Variants in ANKRD44 observed in about 807,000 individuals in gnomAD.
The protein encoded by ANKRD44 is serine/threonine-protein phosphatase 6 regulatory ankyrin repeat subunit B.
ANKRD44 carries 35 observed loss-of-function variants against 116.0 expected under a neutral mutation model. That is an observed-to-expected ratio of 0.30 (90% CI 0.23 to 0.40). The LOEUF is 0.40. Among genes scored for constraint, ANKRD44 ranks in the 10% least tolerant of loss-of-function variants. ANKRD44 has a pLI of 1.00. For missense variants in ANKRD44, 1,014 were observed against 1,242.6 expected, an observed-to-expected ratio of 0.82 and a Z score of 2.77; for synonymous variants, 435 against 461.8, an observed-to-expected ratio of 0.94 and a Z score of 0.74.
chr2:197,200,589 C>A (rs1044730744), intron 1 of ANKRD44, among the ~76,000 whole-genome samples: 3 of 152,132 alleles, frequency 2.0e-5, no homozygotes, highest in African/African-American at 4.8e-5. Context: ...CCAGACAGCA[C>A]GAGCTTGAAA....
At chr2:197,045,765 C>T (rs1244236921) in intron 16 of ANKRD44, among the ~76,000 whole-genome samples, 1 of 152,062 alleles carries the variant, frequency 6.6e-6, no homozygotes, top group Non-Finnish European at 1.5e-5. Flanking sequence ...AACATGTACT[C>T]AAGAAGGCAT....
Position 197,081,713 on chromosome 2 carries a change from T to C in ANKRD44, c.1470A>G (p.Leu490=), listed in dbSNP as rs1288766276. 6.2e-7 allele frequency: 1 copy of C among 1,613,610 alleles called. No individual in the cohort carries two copies. The highest frequency in any genetic ancestry group is 8.5e-7 in the Non-Finnish European group (1 of 1,179,610). The change falls in exon 15 of 28, where the codon TTA becomes TTG. Residue 490 remains leucine (L), a synonymous_variant. Transcript: ENST00000282272. ...CTTCTGAATTATCATGGGCATTTCC[T>C]AAGATAGTCTTACTTCTCAGCATAA... ...ASDMDRNKTI[L]GNAHDNSEEL...
In ANKRD44 at chr2:197,186,632, T is replaced by TTTTTTTTC. The variant is rs1559133702; in HGVS notation, c.111+390_111+391insGAAAAAAA. Among the ~76,000 whole-genome samples the TTTTTTTTC allele has an allele frequency of 5.9e-5, 7 of 119,140 alleles. 1 individual carries two copies. Among genetic ancestry groups the TTTTTTTTC allele is most frequent in the Non-Finnish European group, 1.2e-4 (7 of 58,384 alleles). 78.2% of individuals were successfully genotyped at this position (119,140 alleles called of 152,430 possible). On this transcript the variant is annotated intron_variant, in intron 2 of 27. Transcript: ENST00000282272. Reference sequence around the variant, plus strand: ...TTTTTCTTTTTTTTTTTTTTTTTTTTTTTTTTTTTTTTTTTAGAGACAGAG... The same window carrying TTTTTTTTC: ...TTTTTCTTTTTTTTTTTTTTTTTTTTTTTTTTTCTTTTTTTTTTTTTTTAGAGACAGAG...
At chr2:197,070,880 G>A (rs2077544942) in intron 16 of ANKRD44, among the ~76,000 whole-genome samples, 1 of 151,964 alleles carries the variant, frequency 6.6e-6, no homozygotes, top group Non-Finnish European at 1.5e-5. Context: ...ATTTCTTTAG[G>A]GGAAGTTTTA....
chr2:197,106,783 C>T (rs943598247), intron 9 of ANKRD44, among the ~76,000 whole-genome samples: 8 of 136,408 alleles, frequency 5.9e-5, no homozygotes, highest in African/African-American at 8.4e-5. Context: ...GAGCAAGACT[C>T]CGTCTCAAAT....
intron 16 of ANKRD44, among the ~76,000 whole-genome samples, chr2:197,071,125 A>C (rs1443561166): frequency 3.3e-5 from 5 of 152,002 alleles, no homozygotes; most frequent in Admixed American, 3.3e-4. Context: ...TCTTAGCTAC[A>C]CGTTTGTCAA....
rs1245767721 is a variant in ANKRD44 at position 197,081,644 on chromosome 2, C to T, written c.1538+1G>A. 6.2e-7 allele frequency: 1 copy of T among 1,613,114 alleles called. No individual in the cohort carries two copies. The highest frequency in any genetic ancestry group is 8.5e-7 in the Non-Finnish European group (1 of 1,179,254). On this transcript the variant is annotated splice_donor_variant, in intron 15 of 27. Coordinates refer to ENST00000282272, the MANE Select transcript of ANKRD44 (RefSeq NM_001195144.2). LOFTEE classifies it high-confidence loss of function. ...TGTTCTTAAGCTGAGAAGAAACTTA[C>T]AGTGTGGCTTCCTTTTCCTTCAGCT... is the stretch of plus-strand genomic sequence containing the variant.
At chr2:197,019,016 C>G (rs1172943075) in intron 17 of ANKRD44, among the ~76,000 whole-genome samples, 1 of 152,152 alleles carries the variant, frequency 6.6e-6, no homozygotes, top group Non-Finnish European at 1.5e-5. Context: ...TGCCATCTTA[C>G]AATTTTCCCC....
intron 17 of ANKRD44, among the ~76,000 whole-genome samples, chr2:197,021,220 C>A (rs1011565142): frequency 1.3e-5 from 2 of 152,136 alleles, no homozygotes; most frequent in African/African-American, 4.8e-5. Flanking sequence ...GGGTTGGTTC[C>A]AAGTCTTTGC....
intron 1 of ANKRD44, among the ~76,000 whole-genome samples, chr2:197,287,739 G>A (rs1488470831): frequency 2.0e-5 from 3 of 152,044 alleles, no homozygotes; most frequent in Non-Finnish European, 4.4e-5. Context: ...GTAGACACGC[G>A]CTGGGTACGG....
intron 1 of ANKRD44, among the ~76,000 whole-genome samples, chr2:197,202,782 T>A (rs776680842): frequency 9.2e-5 from 14 of 152,064 alleles, no homozygotes; most frequent in Non-Finnish European, 1.2e-4. Flanking sequence ...CTCGTCATGT[T>A]GGACAGGCTG....
rs1559077562 is a variant in ANKRD44 at position 197,118,631 on chromosome 2, G to GAA, written c.906+2700_906+2701insTT. 3.5e-5 allele frequency among the ~76,000 whole-genome samples: 5 copies of GAA among 143,602 alleles called. No individual in the cohort carries two copies. The East Asian group carries it at 9.8e-4, about 28-fold the overall frequency. The allele number at this position is 143,602 out of a possible 152,430, so 94.2% of individuals were successfully genotyped here. A position where few individuals can be genotyped will look rare whatever the true frequency, so the allele number is the denominator to read the frequency against. Reference sequence around the variant, plus strand: ...AGAGAAAGAAAGAGAGAGAGAGAGAGAGAGAGAGAAAGAAAGAAAGAAAGA... The same window carrying GAA: ...AGAGAAAGAAAGAGAGAGAGAGAGAGAAAGAGAGAGAAAGAAAGAAAGAAAGA... On this transcript the variant is annotated intron_variant, in intron 8 of 27. Coordinates refer to ENST00000282272, the MANE Select transcript of ANKRD44 (RefSeq NM_001195144.2).
At chr2:197,013,849 T>C (rs1299194523) in intron 17 of ANKRD44, 137 bp from the exon 18 acceptor site, 2 of 810,994 alleles carry the variant, frequency 2.5e-6, no homozygotes, top group Non-Finnish European at 4.0e-6. Flanking sequence ...ACTTGGAATA[T>C]TTATTAAAAC....
intron 21 of ANKRD44, among the ~76,000 whole-genome samples, chr2:196,978,750 G>A (rs1472486258): frequency 3.3e-5 from 5 of 150,928 alleles, no homozygotes; most frequent in South Asian, 2.1e-4. Flanking sequence ...TTAAAAGAGC[G>A]AATTTTATGT....
At chr2:197,252,397 T>C (rs560052606) in intron 1 of ANKRD44, among the ~76,000 whole-genome samples, 22 of 148,294 alleles carry the variant, frequency 1.5e-4, no homozygotes, top group African/African-American at 4.0e-4. Context: ...TGAATATATA[T>C]ATATGTAATT....
chr2:196,998,247 T>A, intron 25 of ANKRD44, 90 bp downstream of exon 25: 1 of 975,270 alleles, frequency 1.0e-6, no homozygotes, highest in Non-Finnish European at 1.6e-6. Flanking sequence ...TTAAGAGCCA[T>A]GCTACACAGT....
At chr2:197,056,770 C>T (rs2077211426) in intron 16 of ANKRD44, among the ~76,000 whole-genome samples, 1 of 151,926 alleles carries the variant, frequency 6.6e-6, no homozygotes, top group African/African-American at 2.4e-5. Flanking sequence ...GTATAATGAC[C>T]TTATACCCTT....
chr2:197,241,625 A>G (rs2082091684), intron 1 of ANKRD44, among the ~76,000 whole-genome samples: 1 of 152,188 alleles, frequency 6.6e-6, no homozygotes, highest in Non-Finnish European at 1.5e-5. Context: ...GTAAAATTTA[A>G]AAAAAACATT....
intron 1 of ANKRD44, among the ~76,000 whole-genome samples, chr2:197,260,745 C>G (rs1347409468): frequency 6.6e-6 from 1 of 151,684 alleles, no homozygotes; most frequent in Non-Finnish European, 1.5e-5. Flanking sequence ...CCAGCACCTA[C>G]TGTTTCCTGA....
Sources: allele counts gnomAD v4.1 joint callset (sites outside exome capture counted in the v4.1 genomes callset), GRCh38; gene constraint gnomAD v4.1.1; transcripts MANE v1.5; gene names NCBI Gene and HGNC (gene_info 2026-07-23, HGNC 2026-07-21).